PARD3: variants seen among roughly 807,000 people sequenced by gnomAD.
PARD3 encodes the protein partitioning defective 3 homolog.
PARD3 carries 75 observed loss-of-function variants against 155.4 expected under a neutral mutation model. The observed-to-expected ratio is 0.48, with a 90% CI of 0.40 to 0.58. The LOEUF (loss-of-function observed/expected upper bound fraction) is 0.58, where lower values mean the gene tolerates loss of function less well. Among genes scored for constraint, PARD3 ranks in the 20% least tolerant of loss-of-function variants. PARD3 has a pLI of 0.00. For missense variants in PARD3, 1,642 were observed against 1,721.7 expected, an observed-to-expected ratio of 0.95 and a Z score of 0.82; for synonymous variants, 576 against 610.5, an observed-to-expected ratio of 0.94 and a Z score of 0.83.
At chr10:34,250,155 C>CCA (rs1400336927) in intron 22 of PARD3, among the ~76,000 whole-genome samples, 4 of 151,436 alleles carry the variant, frequency 2.6e-5, no homozygotes, top group East Asian at 3.9e-4. Flanking sequence ...TGCTCCCCCT[C>CCA]CACACACACA....
Position 34,492,895 on chromosome 10 carries a change from C to T in PARD3, c.404-22632G>A, listed in dbSNP as rs182935653. ...CAATATAGTAGCTGCAGGCAAATAT[C>T]GCTAAAGCGTTTTTCTGATAATTCA... On this transcript the variant is annotated intron_variant, in intron 3 of 24. Transcript: ENST00000374788. Among the ~76,000 whole-genome samples, 38 of 152,314 alleles carry T rather than the reference C, an allele frequency of 2.5e-4. No individual in the cohort carries two copies. The East Asian group carries it at 7.1e-3, about 29-fold the overall frequency.
chr10:34,571,601 T>C (rs76418895), intron 2 of PARD3, among the ~76,000 whole-genome samples: 1,898 of 152,200 alleles, frequency 0.012, 40 homozygotes, highest in African/African-American at 0.043. Flanking sequence ...TAATTCTAAA[T>C]GTAAAAAATC....
chr10:34,151,172 ATT>A (rs33965854), intron 22 of PARD3, among the ~76,000 whole-genome samples: 69,183 of 147,442 alleles, frequency 0.47, 17,450 homozygotes, highest in Non-Finnish European at 0.59. Flanking sequence ...TGTAAGCTTC[ATT>A]TTTTTTTTTT....
At position 34,537,458 on chromosome 10, in the gene PARD3, C is replaced by A. The variant is rs1450992175; in HGVS notation, c.223-20299G>T. Among the ~76,000 whole-genome samples the A allele has an allele frequency of 3.9e-5, 6 of 152,326 alleles. No homozygotes were observed. In the East Asian group the frequency reaches 9.6e-4, roughly 24 times the overall value. On this transcript the variant is annotated intron_variant, in intron 2 of 24. Transcript: ENST00000374788. Reference sequence around the variant, plus strand: ...AATAAGAGCAGTACTACAAAAGGAGCAACCAGGATGCATCTGCCAAAGCCA... The same window carrying A: ...AATAAGAGCAGTACTACAAAAGGAGAAACCAGGATGCATCTGCCAAAGCCA...
At chr10:34,785,907 T>G (rs1339429597) in intron 1 of PARD3, among the ~76,000 whole-genome samples, 1 of 152,234 alleles carries the variant, frequency 6.6e-6, no homozygotes, top group Non-Finnish European at 1.5e-5. Context: ...AAAGAAGCAC[T>G]TTGTATGTTC....
At chr10:34,774,593 G>A (rs1839308403) in intron 1 of PARD3, among the ~76,000 whole-genome samples, 1 of 152,184 alleles carries the variant, frequency 6.6e-6, no homozygotes, top group Admixed American at 6.5e-5. Flanking sequence ...AAATGCACAT[G>A]ACACAATGCA....
chr10:34,679,903 G>A (rs2093779833), intron 2 of PARD3, among the ~76,000 whole-genome samples: 1 of 152,074 alleles, frequency 6.6e-6, no homozygotes, highest in African/African-American at 2.4e-5. Flanking sequence ...CAGACACACA[G>A]AGCAGAATAA....
At chr10:34,308,023 T>C (rs1957500219) in intron 20 of PARD3, among the ~76,000 whole-genome samples, 1 of 152,038 alleles carries the variant, frequency 6.6e-6, no homozygotes, top group Non-Finnish European at 1.5e-5. Flanking sequence ...ATGTTAAAGG[T>C]ACAAGAGTGA....
At chr10:34,512,734 A>T (rs1023807734) in intron 3 of PARD3, among the ~76,000 whole-genome samples, 3 of 152,210 alleles carry the variant, frequency 2.0e-5, no homozygotes, top group Non-Finnish European at 4.4e-5. Context: ...TGACATGTCT[A>T]AACTGAGGAC....
chr10:34,356,700 C>G (rs917876894), intron 14 of PARD3, among the ~76,000 whole-genome samples: 7 of 152,166 alleles, frequency 4.6e-5, no homozygotes, highest in Admixed American at 3.9e-4. Context: ...TCCCAGTGTG[C>G]AAAGGAGAAG....
intron 1 of PARD3, among the ~76,000 whole-genome samples, chr10:34,808,827 A>G (rs939466041): frequency 6.6e-6 from 1 of 152,132 alleles, no homozygotes; most frequent in Non-Finnish European, 1.5e-5. Flanking sequence ...CAAGCCAAGA[A>G]GCGCTTCACA....
chr10:34,161,755 G>A (rs1033946608), intron 22 of PARD3, among the ~76,000 whole-genome samples: 1 of 151,948 alleles, frequency 6.6e-6, no homozygotes, highest in African/African-American at 2.4e-5. Flanking sequence ...TGCTTTTAGT[G>A]CCCAACCCAT....
chr10:34,666,384 C>G (rs1156330046), intron 2 of PARD3, among the ~76,000 whole-genome samples: 2 of 152,180 alleles, frequency 1.3e-5, no homozygotes, highest in East Asian at 3.9e-4. Flanking sequence ...CTTCATGATA[C>G]AGAATAAAAA....
intron 2 of PARD3, among the ~76,000 whole-genome samples, chr10:34,602,907 CTG>C (rs1198543715): frequency 6.6e-6 from 1 of 152,098 alleles, no homozygotes; most frequent in Non-Finnish European, 1.5e-5. Context: ...GAAAGCAAAA[CTG>C]AGGTCCAAAA....
intron 8 of PARD3, among the ~76,000 whole-genome samples, 168 bp from the exon 9 acceptor site, chr10:34,383,090 A>T (rs1564651063): frequency 6.6e-6 from 1 of 152,234 alleles, no homozygotes; most frequent in Non-Finnish European, 1.5e-5. Context: ...GCTCTGATCT[A>T]TCAATAGCTG....
At chr10:34,540,096 G>A (rs150744223) in intron 2 of PARD3, among the ~76,000 whole-genome samples, 2 of 152,228 alleles carry the variant, frequency 1.3e-5, no homozygotes, top group Non-Finnish European at 2.9e-5. Flanking sequence ...TCCCAGGGTC[G>A]TGGCCCTCAG....
At chr10:34,747,791 A>T (rs1278976718) in intron 1 of PARD3, among the ~76,000 whole-genome samples, 1 of 152,224 alleles carries the variant, frequency 6.6e-6, no homozygotes, top group Non-Finnish European at 1.5e-5. Flanking sequence ...AAAGTTTGAA[A>T]ATGGCTTTTA....
At chr10:34,659,208 CAT>C (rs1208813956) in intron 2 of PARD3, among the ~76,000 whole-genome samples, 1 of 152,204 alleles carries the variant, frequency 6.6e-6, no homozygotes, top group Non-Finnish European at 1.5e-5. Flanking sequence ...CAAACCAACA[CAT>C]GTCATCTGCC....
chr10:34,526,282 A>T (rs1054147791), intron 2 of PARD3, among the ~76,000 whole-genome samples: 12 of 151,968 alleles, frequency 7.9e-5, no homozygotes, highest in Non-Finnish European at 1.5e-5. Flanking sequence ...TGGGGGTGAA[A>T]TACTTTCCAT....
Sources: gnomAD v4.1 joint callset for allele counts (sites outside exome capture counted in the v4.1 genomes callset) on GRCh38, gnomAD v4.1.1 for gene constraint, MANE v1.5 for transcripts, NCBI Gene and HGNC (gene_info 2026-07-23, HGNC 2026-07-21) for gene names.